PLEKHG1: variants seen among roughly 807,000 people sequenced by gnomAD.
PLEKHG1 encodes the protein pleckstrin homology and RhoGEF domain containing G1, also known as pleckstrin homology domain-containing family G member 1.
In PLEKHG1, 44 loss-of-function variants were observed where a neutral mutation model predicts 100.8. The ratio of observed to expected loss-of-function variants is 0.44; its 90% CI spans 0.34 to 0.56. The LOEUF (loss-of-function observed/expected upper bound fraction) is 0.56. PLEKHG1 is among the 20% of genes least tolerant of loss of function. The pLI is 0.01. For missense variants in PLEKHG1, 1,545 were observed against 1,720.9 expected (o/e 0.90, Z 1.81); for synonymous variants, 640 against 662.5 (o/e 0.97, Z 0.52).
chr6:150,767,697 G>A (rs1236636933), intron 2 of PLEKHG1, among the ~76,000 whole-genome samples: 1 of 152,190 alleles, frequency 6.6e-6, no homozygotes, highest in African/African-American at 2.4e-5. Flanking sequence ...ATGCGGCTGC[G>A]GTGCTGGGAT....
chr6:150,795,741 A>T, intron 4 of PLEKHG1, 115 bp from the exon 6 acceptor site: 1 of 154,996 alleles, frequency 6.5e-6, no homozygotes, highest in East Asian at 1.5e-4. Context: ...AACAAAAAAC[A>T]TATATATATA....
rs1247879814 is a variant in PLEKHG1, at chr6:150,809,478, TAGC to T, written c.1191+6_1191+8del. On this transcript the variant is annotated splice_donor_5th_base_variant and intron_variant, in intron 9 of 15. Coordinates refer to ENST00000358517, the Ensembl canonical transcript of PLEKHG1. The stretch of plus-strand genomic sequence containing the variant: ...CCCAAGCTGCAGCACACAGTCCAGG[TAGC>T]AGCCGGGCCCTGGCCTCTCCGCAAG... 1.2e-6 allele frequency: 2 copies of T among 1,611,380 alleles called. No individual in the cohort carries two copies. The highest frequency in any genetic ancestry group is 2.7e-5 in the African/African-American group (2 of 74,856).
chr6:150,802,569 G>T (rs1786774361), intron 6 of PLEKHG1, among the ~76,000 whole-genome samples: 1 of 152,008 alleles, frequency 6.6e-6, no homozygotes, highest in African/African-American at 2.4e-5. Context: ...AAAAAAAACA[G>T]TGGTTGGATT....
At chr6:150,615,382 T>C (rs1210052650) in intron 1 of PLEKHG1, among the ~76,000 whole-genome samples, 1 of 152,200 alleles carries the variant, frequency 6.6e-6, no homozygotes, top group Non-Finnish European at 1.5e-5. Flanking sequence ...ATGTACACCA[T>C]TGAGCTTTCT....
chr6:150,828,287 T>C (rs1350819520), intron 14 of PLEKHG1: 2 of 1,612,660 alleles, frequency 1.2e-6, no homozygotes, highest in Non-Finnish European at 8.5e-7. Flanking sequence ...ACGACAGACC[T>C]GGAGGAAAAC....
intron 1 of PLEKHG1, among the ~76,000 whole-genome samples, chr6:150,721,745 A>G (rs1781683871): frequency 6.6e-6 from 1 of 152,156 alleles, no homozygotes; most frequent in African/African-American, 2.4e-5. Flanking sequence ...GGTAAGAAAC[A>G]CTTTTGTGAG....
chr6:150,627,759 A>C (rs1425810204), intron 1 of PLEKHG1, among the ~76,000 whole-genome samples: 2 of 152,230 alleles, frequency 1.3e-5, no homozygotes, highest in Non-Finnish European at 2.9e-5. Flanking sequence ...TTGCATATAA[A>C]TATCTGTGTC....
intron 3 of PLEKHG1, among the ~76,000 whole-genome samples, chr6:150,692,088 G>C (rs572695246): frequency 9.9e-5 from 15 of 152,258 alleles, no homozygotes; most frequent in African/African-American, 3.4e-4. Context: ...TTTTTATATG[G>C]GGTGAGGAAT....
intron 2 of PLEKHG1, among the ~76,000 whole-genome samples, chr6:150,742,037 T>C (rs551879354): frequency 8.3e-4 from 127 of 152,346 alleles, no homozygotes; most frequent in Non-Finnish European, 1.3e-3. Context: ...TTTAAATATC[T>C]GGAACACATA....
intron 4 of PLEKHG1, among the ~76,000 whole-genome samples, chr6:150,788,374 G>A (rs142074529): frequency 3.3e-5 from 5 of 152,284 alleles, no homozygotes; most frequent in Non-Finnish European, 5.9e-5. Flanking sequence ...TTGGGAGGCC[G>A]TTAATGAAAG....
At chr6:150,645,793 G>A (rs1273336555) in intron 2 of PLEKHG1, among the ~76,000 whole-genome samples, 1 of 152,174 alleles carries the variant, frequency 6.6e-6, no homozygotes, top group African/African-American at 2.4e-5. Context: ...ACTATGGGTG[G>A]AGTGTAAATT....
chr6:150,732,492 ATGT>A (rs1782320834), intron 1 of PLEKHG1, among the ~76,000 whole-genome samples: 1 of 152,240 alleles, frequency 6.6e-6, no homozygotes, highest in Non-Finnish European at 1.5e-5. Context: ...ATTCTGAGAC[ATGT>A]TGTCGGGCAA....
chr6:150,720,896 T>G (rs190829039), upstream of PLEKHG1, among the ~76,000 whole-genome samples: 19 of 152,258 alleles, frequency 1.2e-4, no homozygotes, highest in Admixed American at 2.6e-4. Context: ...AAGTGTGCAT[T>G]TTCGAGTTAC....
At chr6:150,769,608 GAAA>G (rs1490786588) in intron 3 of PLEKHG1, among the ~76,000 whole-genome samples, 12 of 140,666 alleles carry the variant, frequency 8.5e-5, no homozygotes, top group African/African-American at 2.7e-4. Flanking sequence ...AAAAAAGAAA[GAAA>G]AAAGAAAAAG....
chr6:150,742,243 C>T (rs1328943085), intron 2 of PLEKHG1, among the ~76,000 whole-genome samples: 2 of 152,082 alleles, frequency 1.3e-5, no homozygotes, highest in African/African-American at 2.4e-5. Flanking sequence ...TGGCAGAAGG[C>T]GAACAGGGAG....
intron 4 of PLEKHG1, among the ~76,000 whole-genome samples, chr6:150,794,987 C>T (rs937375479): frequency 6.6e-6 from 1 of 151,924 alleles, no homozygotes; most frequent in Non-Finnish European, 1.5e-5. Flanking sequence ...CTTAGAGTCA[C>T]ATGTGAATCT....
chr6:150,657,208 G>T lies in PLEKHG1; in HGVS notation c.-99+6422G>T, dbSNP rs114931682. On this transcript the variant is annotated intron_variant, in intron 3 of 3. Coordinates refer to the PLEKHG1 transcript ENST00000367326. ...GGCATAAAATTACTTAGCCGAAGTT[G>T]TTATTGATAACTTCATTAAAAGTGA... is the stretch of plus-strand genomic sequence containing the variant. Among the ~76,000 whole-genome samples the T allele has an allele frequency of 3.4e-3, 519 of 152,188 alleles. 2 individuals are homozygous for T. Among genetic ancestry groups the T allele is most frequent in the African/African-American group, 0.012 (508 of 41,550 alleles).
chr6:150,721,081 C>G, upstream of PLEKHG1: 2 of 883,978 alleles, frequency 2.3e-6, no homozygotes, highest in Non-Finnish European at 2.7e-6. Context: ...TAAAAGCTGA[C>G]TCATGCAATA....
chr6:150,800,237 C>G (rs989971237), intron 5 of PLEKHG1, among the ~76,000 whole-genome samples: 2 of 152,088 alleles, frequency 1.3e-5, no homozygotes, highest in African/African-American at 4.8e-5. Flanking sequence ...AAGGGGCCAG[C>G]AGAGGGGGTG....
Sources: allele counts gnomAD v4.1 joint callset (sites outside exome capture counted in the v4.1 genomes callset), GRCh38; gene constraint gnomAD v4.1.1; transcripts MANE v1.5; gene names NCBI Gene and HGNC (gene_info 2026-07-23, HGNC 2026-07-21).